The following PPP6R3 variants were observed in gnomAD, a reference collection of about 807,000 sequenced individuals.
PPP6R3 encodes serine/threonine-protein phosphatase 6 regulatory subunit 3.
Under a neutral mutation model 110.7 loss-of-function variants are expected in PPP6R3, and 38 were observed. That is an observed-to-expected ratio of 0.34 (90% CI 0.26 to 0.45). PPP6R3 has a LOEUF of 0.45. Among genes scored for constraint, PPP6R3 ranks in the 20% least tolerant of loss-of-function variants. The pLI, the probability that PPP6R3 is intolerant of heterozygous loss-of-function variation, is 1.00. For missense variants in PPP6R3, 870 were observed against 1,062.4 expected (o/e 0.82, Z 2.52); for synonymous variants, 369 against 373.5 (o/e 0.99, Z 0.14).
At chr11:68,536,423 T>C (rs1368491726) in intron 2 of PPP6R3, among the ~76,000 whole-genome samples, 2 of 152,068 alleles carry the variant, frequency 1.3e-5, no homozygotes, top group Non-Finnish European at 2.9e-5. Context: ...GCCTGGCTAA[T>C]TTTTTGAATT....
intron 19 of PPP6R3, among the ~76,000 whole-genome samples, chr11:68,600,028 A>C (rs928152728): frequency 6.6e-6 from 1 of 152,212 alleles, no homozygotes; most frequent in East Asian, 1.9e-4. Context: ...AGGCTGAGGC[A>C]GGAGAATGGC....
intron 2 of PPP6R3, among the ~76,000 whole-genome samples, chr11:68,527,585 AT>A (rs1232065489): frequency 3.3e-5 from 5 of 151,720 alleles, no homozygotes; most frequent in Non-Finnish European, 7.4e-5. Flanking sequence ...CATCAGTGTC[AT>A]CTCCACGTCA....
Position 68,556,239 on chromosome 11 carries a change from T to C in PPP6R3, c.731+1982T>C, listed in dbSNP as rs58128680. Among the ~76,000 whole-genome samples the C allele has an allele frequency of 7.4e-3, 1,119 of 152,126 alleles. 16 individuals carry two copies. Among genetic ancestry groups the C allele is most frequent in the African/African-American group, 0.026 (1,074 of 41,484 alleles). On this transcript the variant is annotated intron_variant, in intron 7 of 23. Coordinates refer to ENST00000393800, the MANE Select transcript of PPP6R3 (RefSeq NM_001164161.2). ...AAATGTTAAGCACAGATAGCACATA[T>C]GGAAAAATTTGAAATGAGCTAAGGT...
chr11:68,606,478 G>GTTT (rs11344213), intron 22 of PPP6R3, among the ~76,000 whole-genome samples: 1 of 129,538 alleles, frequency 7.7e-6, no homozygotes. Flanking sequence ...AATTTATGTA[G>GTTT]TTTTTTTTTT....
chr11:68,573,735 T>C (rs2099519562), intron 12 of PPP6R3, among the ~76,000 whole-genome samples: 2 of 152,232 alleles, frequency 1.3e-5, no homozygotes, highest in South Asian at 4.1e-4. Flanking sequence ...GATTAAGGTT[T>C]GAAAAAGTTT....
chr11:68,568,084 A>G (rs927215902), intron 10 of PPP6R3, among the ~76,000 whole-genome samples: 10 of 152,068 alleles, frequency 6.6e-5, no homozygotes, highest in African/African-American at 1.9e-4. Flanking sequence ...TGTGCTTCCT[A>G]GCGTCACCGA....
intron 3 of PPP6R3, among the ~76,000 whole-genome samples, chr11:68,542,847 T>A (rs964720489): frequency 2.0e-5 from 3 of 152,156 alleles, no homozygotes; most frequent in Non-Finnish European, 4.4e-5. Flanking sequence ...AGTGAACAAA[T>A]TTTAAAGTTG....
Position 68,563,228 on chromosome 11 carries a change from A to G in PPP6R3, c.846-1075A>G, listed in dbSNP as rs78123583. Among the ~76,000 whole-genome samples the G allele has an allele frequency of 1.1e-3, 167 of 152,240 alleles. 1 individual carries two copies. The highest frequency in any genetic ancestry group is 3.9e-3 in the African/African-American group (160 of 41,552). On this transcript the variant is annotated intron_variant, in intron 8 of 23. Coordinates refer to ENST00000393800, the MANE Select transcript of PPP6R3 (RefSeq NM_001164161.2). ...AAACAAAGCAGTAATTTATCCTCTC[A>G]CAGTTCTGAGTCCTAGAAGTCTAAG...
intron 8 of PPP6R3, among the ~76,000 whole-genome samples, 156 bp downstream of exon 8, chr11:68,558,835 T>C (rs1012486680): frequency 1.3e-5 from 2 of 152,252 alleles, no homozygotes; most frequent in Non-Finnish European, 2.9e-5. Context: ...TTTATATGAA[T>C]ACCACATATT....
intron 1 of PPP6R3, among the ~76,000 whole-genome samples, chr11:68,507,238 CT>C (rs1170285329): frequency 1.6e-5 from 2 of 125,096 alleles, no homozygotes; most frequent in Non-Finnish European, 3.4e-5. Flanking sequence ...TCACAGTAGT[CT>C]TTTTGCATTT....
intron 4 of PPP6R3, 45 bp downstream of exon 4, chr11:68,545,069 C>T: frequency 6.9e-7 from 1 of 1,439,660 alleles, no homozygotes. Flanking sequence ...CTGATCATCC[C>T]CTTGAGGTGA....
At chr11:68,598,033 C>T (rs1367372150) in intron 19 of PPP6R3, among the ~76,000 whole-genome samples, 2 of 151,946 alleles carry the variant, frequency 1.3e-5, no homozygotes, top group African/African-American at 2.4e-5. Context: ...TGTAACAGGT[C>T]TTTAAAACTT....
intron 2 of PPP6R3, 49 bp from the exon 3 acceptor site, chr11:68,537,610 T>G: frequency 1.6e-6 from 2 of 1,250,722 alleles, no homozygotes; most frequent in Non-Finnish European, 2.2e-6. Context: ...TATGGAAAAT[T>G]AATTTGTAAA....
At chr11:68,606,366 G>A (rs180897129) in intron 22 of PPP6R3, among the ~76,000 whole-genome samples, 56 of 151,436 alleles carry the variant, frequency 3.7e-4, no homozygotes, top group Non-Finnish European at 6.6e-4. Context: ...TGTGGATCTC[G>A]GCTCACTGCA....
intron 10 of PPP6R3, among the ~76,000 whole-genome samples, chr11:68,569,236 A>T (rs1323782353): frequency 6.6e-6 from 1 of 152,152 alleles, no homozygotes; most frequent in African/African-American, 2.4e-5. Context: ...AGATAAGCAG[A>T]TAGCACGCCA....
At chr11:68,543,595 C>T (rs928318616) in intron 3 of PPP6R3, among the ~76,000 whole-genome samples, 1 of 152,126 alleles carries the variant, frequency 6.6e-6, no homozygotes, top group Admixed American at 6.5e-5. Flanking sequence ...CCAGGTGTGT[C>T]GTATACGTGT....
chr11:68,478,731 T>G (rs2098866415), intron 1 of PPP6R3, among the ~76,000 whole-genome samples: 1 of 135,386 alleles, frequency 7.4e-6, no homozygotes, highest in Non-Finnish European at 1.6e-5. Flanking sequence ...CACCTCAGCT[T>G]ACTGCAACCT....
At chr11:68,547,928 C>A in intron 4 of PPP6R3, 139 bp from the exon 5 acceptor site, 1 of 847,580 alleles carries the variant, frequency 1.2e-6, no homozygotes, top group Non-Finnish European at 1.7e-6. Context: ...AATTTGATAC[C>A]TTGTTGCTAA....
chr11:68,585,683 A>C (rs962413268), intron 15 of PPP6R3, among the ~76,000 whole-genome samples: 2 of 152,204 alleles, frequency 1.3e-5, no homozygotes, highest in Non-Finnish European at 2.9e-5. Flanking sequence ...TAGAAGCTGT[A>C]ATTGACTTAG....
Sources: gnomAD v4.1 joint callset for allele counts (sites outside exome capture counted in the v4.1 genomes callset) on GRCh38, gnomAD v4.1.1 for gene constraint, MANE v1.5 for transcripts, NCBI Gene and HGNC (gene_info 2026-07-23, HGNC 2026-07-21) for gene names.